KIAA0232: variants seen among roughly 807,000 people sequenced by gnomAD.
KIAA0232 encodes the protein KIAA0232.
In KIAA0232, 27 loss-of-function variants were observed where a neutral mutation model predicts 122.0. The ratio of observed to expected loss-of-function variants is 0.22; its 90% CI spans 0.16 to 0.31. The LOEUF is 0.31. KIAA0232 is among the 10% of genes least tolerant of loss of function. The pLI, the probability that KIAA0232 is intolerant of heterozygous loss-of-function variation, is 1.00. For missense variants in KIAA0232, 1,551 were observed against 1,634.2 expected (o/e 0.95, Z 0.88); for synonymous variants, 613 against 587.6 (o/e 1.04, Z -0.63).
intron 4 of KIAA0232, among the ~76,000 whole-genome samples, chr4:6,845,043 C>T (rs897932281): frequency 6.6e-6 from 1 of 152,248 alleles, no homozygotes; most frequent in Admixed American, 6.5e-5. Flanking sequence ...GGGTCATTCC[C>T]TCTCTGTCCA....
At chr4:6,790,378 T>A (rs571199074) in intron 1 of KIAA0232, among the ~76,000 whole-genome samples, 211 of 150,598 alleles carry the variant, frequency 1.4e-3, no homozygotes, top group Non-Finnish European at 2.3e-3. Context: ...TTTTTTTTTT[T>A]AATTAAAAAA....
intron 8 of KIAA0232, among the ~76,000 whole-genome samples, chr4:6,872,330 G>GA: frequency 6.6e-6 from 1 of 152,328 alleles, no homozygotes. Flanking sequence ...CGGGGACAGA[G>GA]AAAAGGAAAC....
rs543481524 is a variant in KIAA0232, at chr4:6,813,827, A to G, written c.-270+9221A>G. 6.6e-5 allele frequency among the ~76,000 whole-genome samples: 10 copies of G among 152,200 alleles called. No individual in the cohort carries two copies. The South Asian group carries it at 1.9e-3, about 29-fold the overall frequency. ...TCATGCCCAGGGCTCTGACTCCTGG[A>G]GACCCAAAGTGGCATGTATTTAAAC... On this transcript the variant is annotated intron_variant, in intron 2 of 9. Coordinates refer to ENST00000307659, the MANE Select transcript of KIAA0232 (RefSeq NM_014743.3).
intron 1 of KIAA0232, among the ~76,000 whole-genome samples, chr4:6,792,032 G>T (rs941678864): frequency 5.9e-5 from 9 of 152,108 alleles, no homozygotes; most frequent in Admixed American, 1.3e-4. Context: ...CCATGTAAGA[G>T]GTGACTTTGC....
At chr4:6,822,748 A>ATATAAGAAG (rs1718479423) in intron 2 of KIAA0232, among the ~76,000 whole-genome samples, 2 of 151,944 alleles carry the variant, frequency 1.3e-5, no homozygotes, top group African/African-American at 4.8e-5. Flanking sequence ...CAACCTAGGT[A>ATATAAGAAG]TATAAGAAGA....
intron 7 of KIAA0232, 22 bp from the exon 8 acceptor site, chr4:6,871,552 G>T (rs772193636): frequency 5.2e-6 from 7 of 1,341,216 alleles, no homozygotes; most frequent in South Asian, 1.2e-5. Context: ...AACTTTTTCT[G>T]TATTTGGTTT....
intron 4 of KIAA0232, among the ~76,000 whole-genome samples, chr4:6,852,713 G>A (rs900048121): frequency 6.6e-6 from 1 of 152,220 alleles, no homozygotes; most frequent in Non-Finnish European, 1.5e-5. Context: ...CTAGGGCTCA[G>A]CTGGGAGGTT....
At chr4:6,877,522 C>G (rs779713554) in intron 9 of KIAA0232, among the ~76,000 whole-genome samples, 1 of 151,990 alleles carries the variant, frequency 6.6e-6, no homozygotes, top group Non-Finnish European at 1.5e-5. Flanking sequence ...TTAACTCACA[C>G]GATCACAAGG....
intron 3 of KIAA0232, 56 bp from the exon 4 acceptor site, chr4:6,842,011 A>T: frequency 1.2e-6 from 2 of 1,600,818 alleles, no homozygotes; most frequent in Non-Finnish European, 1.7e-6. Context: ...GGTAGGTGGA[A>T]CATAGTAGTG....
At chr4:6,831,027 TTTTTTTA>T (rs1460538767) in intron 3 of KIAA0232, among the ~76,000 whole-genome samples, 3 of 152,032 alleles carry the variant, frequency 2.0e-5, no homozygotes, top group Non-Finnish European at 4.4e-5. Context: ...TCTTTCTCTT[TTTTTTTA>T]TTTTTTATTT....
intron 4 of KIAA0232, among the ~76,000 whole-genome samples, chr4:6,848,202 C>A (rs1720076760): frequency 6.6e-6 from 1 of 152,146 alleles, no homozygotes. Context: ...CAGTAAAATT[C>A]TTTTTGCCAG....
chr4:6,863,619 T>C lies in KIAA0232; in HGVS notation c.3237T>C (p.Asp1079=). 6.2e-7 allele frequency: 1 copy of C among 1,614,192 alleles called. No homozygotes were observed. The highest frequency in any genetic ancestry group is 8.5e-7 in the Non-Finnish European group (1 of 1,180,028). ...SFKPKSILCS[D]SDSEVFHPRI... ...AACCGAAATCAATCCTCTGTTCTGA[T>C]TCAGACAGTGAAGTGTTTCACCCCA... The change falls in exon 7 of 10, where the codon GAT becomes GAC. Residue 1079 remains aspartate, a synonymous_variant. Coordinates refer to ENST00000307659, the MANE Select transcript of KIAA0232 (RefSeq NM_014743.3).
At chr4:6,836,539 TTC>T (rs1491261371) in intron 3 of KIAA0232, among the ~76,000 whole-genome samples, 23 of 148,644 alleles carry the variant, frequency 1.5e-4, no homozygotes, top group African/African-American at 5.4e-4. Context: ...TTTTTTTTTT[TTC>T]TTTTCTTTTT....
chr4:6,837,077 G>T (rs1007898492), intron 3 of KIAA0232, among the ~76,000 whole-genome samples: 11 of 151,908 alleles, frequency 7.2e-5, no homozygotes, highest in African/African-American at 2.7e-4. Context: ...CCCAGACGGG[G>T]TGGCGGCCGG....
At chr4:6,821,701 TGTG>T (rs1197884326) in intron 2 of KIAA0232, among the ~76,000 whole-genome samples, 2 of 151,700 alleles carry the variant, frequency 1.3e-5, no homozygotes, top group Non-Finnish European at 2.9e-5. Flanking sequence ...TGTGTGTGTG[TGTG>T]TATATATATA....
intron 3 of KIAA0232, among the ~76,000 whole-genome samples, chr4:6,832,263 G>T (rs1719026178): frequency 6.6e-6 from 1 of 151,710 alleles, no homozygotes; most frequent in South Asian, 2.1e-4. Context: ...TTTTCTTCAT[G>T]ACATTTTTTA....
At chr4:6,873,474 C>T (rs562433005) in intron 8 of KIAA0232, among the ~76,000 whole-genome samples, 1 of 152,334 alleles carries the variant, frequency 6.6e-6, no homozygotes, top group Admixed American at 6.5e-5. Flanking sequence ...GAGGACCTCT[C>T]AGGAAGAGCT....
In KIAA0232 at chr4:6,863,903, A is replaced by G. The variant is rs1268898459; in HGVS notation, c.3521A>G (p.Lys1174Arg). ...YYGKSELESG[K>R]FLPRLKKSGM... is the part of the protein sequence containing the mutation. ...GGAAAATCAGAGCTTGAGTCTGGAA[A>G]ATTCCTTCCCAGGTTAAAAAAATCT... The change falls in exon 7 of 10, where the codon AAA (lysine) becomes AGA (arginine). Residue 1174 changes from lysine (K) to arginine (R), a missense_variant. By Grantham distance (26) the Lys-to-Arg change is conservative. Around this residue, in one of 5 missense-constraint regions of KIAA0232, gnomAD observed 1,108 missense variants for 1,154.8 expected, o/e 0.96. Transcript: ENST00000307659. 3 of 1,614,014 alleles carry G rather than the reference A, an allele frequency of 1.9e-6. No homozygotes were observed. The highest frequency in any genetic ancestry group is 2.5e-6 in the Non-Finnish European group (3 of 1,180,026).
At chr4:6,828,671 A>G (rs55702950) in intron 3 of KIAA0232, among the ~76,000 whole-genome samples, 2,528 of 152,306 alleles carry the variant, frequency 0.017, 73 homozygotes, top group African/African-American at 0.058. Flanking sequence ...TGAAATATAC[A>G]ATAAATATTA....
Sources: allele counts gnomAD v4.1 joint callset (sites outside exome capture counted in the v4.1 genomes callset), GRCh38; gene constraint gnomAD v4.1.1; regional missense constraint gnomAD v4.1.1; transcripts MANE v1.5; gene names NCBI Gene and HGNC (gene_info 2026-07-23, HGNC 2026-07-21).